Variants in SPATA18 observed in about 807,000 individuals in gnomAD.
SPATA18 encodes spermatogenesis associated 18, also known as mitochondria-eating protein.
Under a neutral mutation model 68.1 loss-of-function variants are expected in SPATA18, and 54 were observed. That is an observed-to-expected ratio of 0.79 (90% CI 0.64 to 0.99). The LOEUF is 0.99. SPATA18 is among the 50% of genes least tolerant of loss of function. The pLI, the probability that SPATA18 is intolerant of heterozygous loss-of-function variation, is 0.00. For synonymous variants in SPATA18, 242 were observed against 244.8 expected, an observed-to-expected ratio of 0.99 and a Z score of 0.11; for missense variants, 724 against 681.1, an observed-to-expected ratio of 1.06 and a Z score of -0.70.
At chr4:52,091,820 T>A (rs1741987816) in intron 11 of SPATA18, among the ~76,000 whole-genome samples, 1 of 152,132 alleles carries the variant, frequency 6.6e-6, no homozygotes, top group Admixed American at 6.5e-5. Flanking sequence ...GGTTTGCTGC[T>A]CTCTTCAGAG....
intron 11 of SPATA18, among the ~76,000 whole-genome samples, chr4:52,090,613 ACTCTCTTC>A (rs1249329992): frequency 6.6e-6 from 1 of 152,000 alleles, no homozygotes; most frequent in African/African-American, 2.4e-5. Context: ...ATTGGCCCTC[ACTCTCTTC>A]TGGCTTGTAG....
At chr4:52,088,711 G>A (rs1304031216) in intron 11 of SPATA18, among the ~76,000 whole-genome samples, 8 of 152,166 alleles carry the variant, frequency 5.3e-5, no homozygotes, top group African/African-American at 7.2e-5. Flanking sequence ...TTTTTGCATC[G>A]ATGTTCATCA....
chr4:52,091,505 C>T (rs1317566883), intron 11 of SPATA18, among the ~76,000 whole-genome samples: 1 of 152,104 alleles, frequency 6.6e-6, no homozygotes, highest in African/African-American at 2.4e-5. Context: ...CTGTTTGTTT[C>T]TTTTCCTTTT....
intron 1 of SPATA18, among the ~76,000 whole-genome samples, chr4:52,057,338 T>A (rs1434426153): frequency 6.6e-6 from 1 of 152,194 alleles, no homozygotes; most frequent in African/African-American, 2.4e-5. Context: ...CTTGTGTGGG[T>A]ATGTAAGTAT....
At chr4:52,068,351 C>T (rs879565320) in intron 4 of SPATA18, among the ~76,000 whole-genome samples, 2 of 151,828 alleles carry the variant, frequency 1.3e-5, no homozygotes, top group Non-Finnish European at 1.5e-5. Context: ...AAAAATATAC[C>T]GTGTGACAGG....
chr4:52,076,990 T>C lies in SPATA18; in HGVS notation c.970T>C (p.Cys324Arg), dbSNP rs375808309. ...RLDAQCLLRR[C>R]IDKAETVQRI... ...GGACGCGCAGTGCCTGCTGCGGCGC[T>C]GCATCGACAAGGCTGAGACCGTTCA... Residue 324 changes from cysteine to arginine, a missense_variant, in exon 7 of 13, where the codon TGC becomes CGC. Cys to Arg is a radical substitution (Grantham distance 180). Transcript: ENST00000295213. 1.8e-5 allele frequency: 29 copies of C among 1,612,986 alleles called. No homozygotes were observed. In the East Asian group the frequency reaches 2.9e-4, roughly 16 times the overall value.
chr4:52,075,760 T>A (rs1740286059), intron 6 of SPATA18, among the ~76,000 whole-genome samples: 1 of 152,250 alleles, frequency 6.6e-6, no homozygotes. Context: ...CGGCCCGGTA[T>A]TGCCAATTGG....
At chr4:52,093,177 G>A (rs1742135660) in intron 11 of SPATA18, among the ~76,000 whole-genome samples, 1 of 152,136 alleles carries the variant, frequency 6.6e-6, no homozygotes, top group Non-Finnish European at 1.5e-5. Context: ...AGATTATTAT[G>A]ATTTAAACAG....
At chr4:52,079,430 T>G (rs1740717025) in intron 8 of SPATA18, among the ~76,000 whole-genome samples, 1 of 152,208 alleles carries the variant, frequency 6.6e-6, no homozygotes, top group African/African-American at 2.4e-5. Context: ...AGTTCTGTGT[T>G]GGCACATCAT....
chr4:52,071,214 T>A (rs1364712626), intron 5 of SPATA18, among the ~76,000 whole-genome samples: 15 of 152,334 alleles, frequency 9.8e-5, no homozygotes, highest in African/African-American at 3.6e-4. Flanking sequence ...TTCTTAATCT[T>A]ACCTTTTCAT....
chr4:52,074,859 G>C (rs919918468), intron 6 of SPATA18, among the ~76,000 whole-genome samples: 2 of 152,178 alleles, frequency 1.3e-5, no homozygotes, highest in African/African-American at 4.8e-5. Context: ...GTTGGGGTAG[G>C]AAGGTGTGAT....
intron 4 of SPATA18, among the ~76,000 whole-genome samples, chr4:52,065,958 C>T (rs1374070281): frequency 6.6e-6 from 1 of 152,098 alleles, no homozygotes; most frequent in Admixed American, 6.6e-5. Context: ...GAATCTATCG[C>T]CTAAACTTTC....
intron 11 of SPATA18, 106 bp from the exon 12 acceptor site, chr4:52,094,421 A>C: frequency 9.9e-7 from 1 of 1,009,312 alleles, no homozygotes; most frequent in Non-Finnish European, 1.5e-6. Flanking sequence ...AAAGTGCCTC[A>C]GAGAAAGCTA....
chr4:52,052,839 T>G (rs1286939899), intron 1 of SPATA18, among the ~76,000 whole-genome samples: 1 of 152,240 alleles, frequency 6.6e-6, no homozygotes, highest in African/African-American at 2.4e-5. Flanking sequence ...CTTTAACCAG[T>G]GCTCCTGAAG....
intron 1 of SPATA18, among the ~76,000 whole-genome samples, chr4:52,059,389 T>G (rs1220228827): frequency 6.6e-6 from 1 of 152,264 alleles, no homozygotes; most frequent in Admixed American, 6.5e-5. Flanking sequence ...GTAGTTGTAT[T>G]CCTTCTTCTA....
intron 1 of SPATA18, among the ~76,000 whole-genome samples, chr4:52,055,415 T>C (rs1211770110): frequency 6.6e-6 from 1 of 152,208 alleles, no homozygotes; most frequent in Non-Finnish European, 1.5e-5. Context: ...CAAGGCATTG[T>C]CCCCTAGAAC....
At chr4:52,091,158 T>A (rs1298899052) in intron 11 of SPATA18, among the ~76,000 whole-genome samples, 1 of 152,042 alleles carries the variant, frequency 6.6e-6, no homozygotes, top group African/African-American at 2.4e-5. Context: ...TGTTCTTCTC[T>A]ACATTGGTTA....
chr4:52,071,310 T>G (rs1205710055), intron 5 of SPATA18, among the ~76,000 whole-genome samples: 1 of 152,236 alleles, frequency 6.6e-6, no homozygotes, highest in Non-Finnish European at 1.5e-5. Context: ...ACTTTGTATC[T>G]TGATAAGGAT....
At chr4:52,051,827 C>T (rs751270083) in intron 1 of SPATA18, 36 bp downstream of exon 1, 10 of 1,569,384 alleles carry the variant, frequency 6.4e-6, no homozygotes, top group Non-Finnish European at 7.8e-6. Flanking sequence ...GGTTCGCCCT[C>T]CCATAGGTTC....
Sources: allele counts gnomAD v4.1 joint callset (sites outside exome capture counted in the v4.1 genomes callset), GRCh38; gene constraint gnomAD v4.1.1; transcripts MANE v1.5; gene names NCBI Gene and HGNC (gene_info 2026-07-23, HGNC 2026-07-21).